Variants in MIB1 observed in about 807,000 individuals in gnomAD.
MIB1 encodes E3 ubiquitin-protein ligase MIB1.
MIB1 carries 278 observed loss-of-function variants against 124.5 expected under a neutral mutation model. The ratio of observed to expected loss-of-function variants is 2.23; its 90% CI spans 2.02 to 2.47. The LOEUF (loss-of-function observed/expected upper bound fraction) is 2.47. Among genes scored for constraint, MIB1 ranks in the 30% most tolerant of loss-of-function variants. MIB1 has a pLI of 0.00. For missense variants in MIB1, 957 were observed against 1,254.4 expected (o/e 0.76, Z 3.58); for synonymous variants, 446 against 429.4 (o/e 1.04, Z -0.48).
Position 21,866,968 on chromosome 18 carries a change from C to G in MIB1, c.*2302C>G, listed in dbSNP as rs1432512676. On this transcript the variant is annotated 3_prime_UTR_variant, in exon 21 of 21. Coordinates refer to ENST00000261537, the MANE Select transcript of MIB1 (RefSeq NM_020774.4). ...ATTTCAGTGACTTTCCTCCAACTCT[C>G]TGAATCTGCTACCTCTTATTATATG... 2.0e-5 allele frequency: 3 copies of G among 152,574 alleles called. No individual in the cohort carries two copies. The highest frequency in any genetic ancestry group is 4.4e-5 in the Non-Finnish European group (3 of 68,030). 9.5% of individuals were successfully genotyped at this position (152,574 alleles called of 1,614,324 possible).
chr18:21,823,126 C>T (rs745744208), intron 12 of MIB1, among the ~76,000 whole-genome samples: 3 of 150,890 alleles, frequency 2.0e-5, no homozygotes, highest in Admixed American at 6.6e-5. Flanking sequence ...TCCAGCTACT[C>T]GGGAGGCTGA....
chr18:21,854,768 GTGCTGACACT>G (rs2042212389), intron 18 of MIB1: 3 of 162,872 alleles, frequency 1.8e-5, no homozygotes, highest in African/African-American at 4.8e-5. Context: ...ACCATTGGTC[GTGCTGACACT>G]TTTTAAAATT....
intron 1 of MIB1, among the ~76,000 whole-genome samples, chr18:21,729,566 T>C (rs560478569): frequency 6.6e-6 from 1 of 152,328 alleles, no homozygotes; most frequent in East Asian, 1.9e-4. Context: ...CTCAGCTCAC[T>C]GCAACCTCTG....
intron 1 of MIB1, among the ~76,000 whole-genome samples, chr18:21,706,385 C>T (rs1325414857): frequency 6.6e-6 from 1 of 152,226 alleles, no homozygotes; most frequent in African/African-American, 2.4e-5. Flanking sequence ...CTCTCAGCAC[C>T]TCCTCAGGCC....
chr18:21,846,931 T>C lies in MIB1; in HGVS notation c.2212-13T>C, dbSNP rs2042139618. On this transcript the variant is annotated splice_polypyrimidine_tract_variant and intron_variant, in intron 15 of 20. Transcript: ENST00000261537. ...TCCTAGAGGGAAAATCATGACTCTT[T>C]ATTTTATTGCAGTTAATAATGGGAC... The C allele has an allele frequency of 1.2e-6, 2 of 1,611,412 alleles. No individual in the cohort carries two copies. Among genetic ancestry groups the C allele is most frequent in the Non-Finnish European group, 1.7e-6 (2 of 1,178,160 alleles).
chr18:21,740,666 A>G (rs977823054), upstream of MIB1, among the ~76,000 whole-genome samples: 3 of 151,964 alleles, frequency 2.0e-5, no homozygotes, highest in African/African-American at 7.3e-5. Flanking sequence ...CTCATAGCTC[A>G]TTGGGCGCGC....
At chr18:21,803,843 A>G in intron 9 of MIB1, 64 bp from the exon 10 acceptor site, 1 of 1,184,570 alleles carries the variant, frequency 8.4e-7, no homozygotes, top group African/African-American at 1.5e-5. Context: ...CCTACACCGT[A>G]TGTATATATT....
intron 12 of MIB1, among the ~76,000 whole-genome samples, chr18:21,822,689 T>G (rs2041889590): frequency 1.4e-5 from 1 of 68,982 alleles, no homozygotes; most frequent in South Asian, 7.8e-4. Flanking sequence ...ATCAAATTTC[T>G]TTTTCTTAAG....
intron 6 of MIB1, among the ~76,000 whole-genome samples, chr18:21,788,245 A>C (rs1252654487): frequency 6.6e-6 from 1 of 152,240 alleles, no homozygotes; most frequent in Non-Finnish European, 1.5e-5. Context: ...TGACATGTAC[A>C]TAAAGAAACT....
intron 12 of MIB1, chr18:21,826,563 G>T (rs986476391): frequency 9.2e-5 from 14 of 151,996 alleles, no homozygotes; most frequent in African/African-American, 3.4e-4. Context: ...ATACATGGTG[G>T]TTAGTTACAA....
chr18:21,784,664 T>C lies in MIB1; in HGVS notation c.908+4979T>C, dbSNP rs367926374. 5.3e-5 allele frequency among the ~76,000 whole-genome samples: 8 copies of C among 152,284 alleles called. No individual in the cohort carries two copies. In the South Asian group the frequency reaches 1.0e-3, roughly 20 times the overall value. On this transcript the variant is annotated intron_variant, in intron 6 of 20. Coordinates refer to ENST00000261537, the MANE Select transcript of MIB1 (RefSeq NM_020774.4). ...TAGGAAAGACCAGGCTATACAGATA[T>C]AGGAGCTGAAGGGACATGGTGAGAA...
intron 1 of MIB1, among the ~76,000 whole-genome samples, chr18:21,718,233 C>G (rs983642470): frequency 6.6e-6 from 1 of 151,664 alleles, no homozygotes; most frequent in African/African-American, 2.4e-5. Flanking sequence ...TTTAGGGACT[C>G]AGGGGGAAAG....
intron 19 of MIB1, 48 bp downstream of exon 19, chr18:21,857,291 C>G: frequency 8.9e-7 from 1 of 1,126,716 alleles, no homozygotes; most frequent in Non-Finnish European, 1.4e-6. Flanking sequence ...TTTTTTGGGA[C>G]TTGCATAAAC....
chr18:21,778,232 T>G (rs2041315099), intron 5 of MIB1, 63 bp downstream of exon 5: 2 of 1,163,718 alleles, frequency 1.7e-6, no homozygotes. Flanking sequence ...ATCAGTAAAA[T>G]GCTTAAATTG....
chr18:21,830,613 C>T (rs1340786793), intron 12 of MIB1: 2 of 152,100 alleles, frequency 1.3e-5, no homozygotes, highest in African/African-American at 2.4e-5. Flanking sequence ...TTATGGTGCT[C>T]TGTTACCTGT....
intron 12 of MIB1, among the ~76,000 whole-genome samples, chr18:21,825,022 A>C (rs2041911952): frequency 6.6e-6 from 1 of 152,074 alleles, no homozygotes; most frequent in South Asian, 2.1e-4. Flanking sequence ...CTGTGAAAAC[A>C]AATATGGAGA....
chr18:21,796,938 T>A (rs2041588932), intron 7 of MIB1, among the ~76,000 whole-genome samples: 1 of 152,230 alleles, frequency 6.6e-6, no homozygotes, highest in Admixed American at 6.6e-5. Flanking sequence ...GATAAAGAAC[T>A]GTTTTTTCAA....
At chr18:21,864,266 G>T (rs2042302558) in intron 20 of MIB1, among the ~76,000 whole-genome samples, 1 of 152,122 alleles carries the variant, frequency 6.6e-6, no homozygotes, top group Admixed American at 6.5e-5. Flanking sequence ...GTGAGCCAGG[G>T]TGTCTGGCTG....
chr18:21,719,185 T>G (rs1169499723), intron 1 of MIB1, among the ~76,000 whole-genome samples: 1 of 147,234 alleles, frequency 6.8e-6, no homozygotes, highest in Non-Finnish European at 1.5e-5. Flanking sequence ...CAAAACTCCG[T>G]CTCAAAAAAA....
Sources: gnomAD v4.1 joint callset for allele counts (sites outside exome capture counted in the v4.1 genomes callset) on GRCh38, gnomAD v4.1.1 for gene constraint, MANE v1.5 for transcripts, NCBI Gene and HGNC (gene_info 2026-07-23, HGNC 2026-07-21) for gene names.